ATP2A1: variants seen among roughly 807,000 people sequenced by gnomAD.
ATP2A1 encodes ATPase sarcoplasmic/endoplasmic reticulum Ca2+ transporting 1.
A neutral mutation model predicts 109.5 loss-of-function variants in ATP2A1; 83 were observed. That is an observed-to-expected ratio of 0.76 (90% CI 0.63 to 0.91). The LOEUF (loss-of-function observed/expected upper bound fraction) is 0.91, where lower values mean the gene tolerates loss of function less well. Among genes scored for constraint, ATP2A1 ranks in the 40% least tolerant of loss-of-function variants. The pLI, the probability that ATP2A1 is intolerant of heterozygous loss-of-function variation, is 0.00. For synonymous variants in ATP2A1, 505 were observed against 537.6 expected (o/e 0.94, Z 0.84); for missense variants, 1,101 against 1,341.0 (o/e 0.82, Z 2.80).
At chr16:28,879,971 G>C (rs1016292710) in intron 3 of ATP2A1, 1 of 1,012,788 alleles carries the variant, frequency 9.9e-7, no homozygotes, top group Non-Finnish European at 1.2e-6. Context: ...CAATCCCCGC[G>C]CCCGTCGGCG....
rs745336652 is a variant in ATP2A1 at position 28,903,366 on chromosome 16, T to C, written c.2906T>C (p.Met969Thr). ...GCCCTGGACCTCACCCAGTGGCTCA[T>C]GGTCCTCAAGATCTCACTGCCAGTC... ...LRALDLTQWL[M>T]VLKISLPVIG... Residue 969 changes from methionine to threonine, a missense_variant, in exon 21 of 23, where the codon ATG (methionine) becomes ACG (threonine). Transcript: ENST00000395503. This position sits in a 1 kb window ranked among gnomAD's most constrained non-coding sequence, Gnocchi z 5.6. The C allele has an allele frequency of 7.4e-6, 12 of 1,613,980 alleles. No homozygotes were observed. Among genetic ancestry groups the C allele is most frequent in the Middle Eastern group, 1.6e-4 (1 of 6,062 alleles).
At chr16:28,901,284 G>A (rs1964064830) in intron 15 of ATP2A1, among the ~76,000 whole-genome samples, 1 of 147,062 alleles carries the variant, frequency 6.8e-6, no homozygotes, top group Non-Finnish European at 1.5e-5. Flanking sequence ...AGTTATGACT[G>A]CACCACTGCA....
chr16:28,902,035 A>G lies in ATP2A1; in HGVS notation c.2273A>G (p.Lys758Arg). ...GGCCGCGCCATCTACAACAACATGAAGCAGTTCATCCGCTACCTCATTTCC... is the reference window on the plus strand; with the variant it reads ...GGCCGCGCCATCTACAACAACATGAGGCAGTTCATCCGCTACCTCATTTCC... ...EEGRAIYNNMKQFIRYLISSN... is the reference protein window; with the variant it reads ...EEGRAIYNNMRQFIRYLISSN... The change falls in exon 16 of 23, where the codon AAG becomes AGG. Residue 758 changes from lysine to arginine, a missense_variant. Lys to Arg is a conservative substitution (Grantham distance 26). Transcript: ENST00000395503. The surrounding 1 kb of genome is among the most constrained non-coding windows in gnomAD (Gnocchi z 4.8). 6.2e-7 allele frequency: 1 copy of G among 1,614,236 alleles called. No individual in the cohort carries two copies. The highest frequency in any genetic ancestry group is 8.5e-7 in the Non-Finnish European group (1 of 1,180,042).
intron 15 of ATP2A1, 88 bp downstream of exon 15, chr16:28,901,004 G>T (rs1291968991): frequency 6.5e-7 from 1 of 1,529,034 alleles, no homozygotes. Context: ...GGGCCAGAGG[G>T]CCCTGGTAAG....
Position 28,903,876 on chromosome 16 carries a change from G to C in ATP2A1, c.*37+135G>C. On this transcript the variant is annotated intron_variant, in intron 22 of 22. Coordinates refer to ENST00000395503, the MANE Select transcript of ATP2A1 (RefSeq NM_004320.6). This position sits in a 1 kb window ranked among gnomAD's most constrained non-coding sequence, Gnocchi z 5.6. ...GAGCCGTTGCCACTGCTGCTGCTGC[G>C]CTTCCAGTCAGGGTGGGCCGCTGGC... The C allele has an allele frequency of 1.1e-6, 1 of 929,722 alleles. No individual in the cohort carries two copies. The highest frequency in any genetic ancestry group is 1.6e-5 in the African/African-American group (1 of 62,224). The allele number at this position is 929,722 out of a possible 1,614,324, so 57.6% of individuals were successfully genotyped here.
In ATP2A1 at chr16:28,898,354, G is replaced by A. The variant is rs367801838; in HGVS notation, c.1667G>A (p.Arg556Gln). ...GTGATCAAGGAGTGGGGCACTGGCC[G>A]GGACACCCTGCGCTGCTTGGCCCTG... is the stretch of plus-strand genomic sequence containing the variant. Reference protein sequence around the residue: ...MAVIKEWGTGRDTLRCLALAT... With the variant: ...MAVIKEWGTGQDTLRCLALAT... Residue 556 changes from arginine (R) to glutamine (Q), a missense_variant, in exon 14 of 23, where the codon CGG becomes CAG. Arg to Gln is a conservative substitution (Grantham distance 43). Coordinates refer to ENST00000395503, the MANE Select transcript of ATP2A1 (RefSeq NM_004320.6). This position sits in a 1 kb window ranked among gnomAD's most constrained non-coding sequence, Gnocchi z 4.0. 33 of 1,614,084 alleles carry A rather than the reference G, an allele frequency of 2.0e-5. No individual in the cohort carries two copies. Among genetic ancestry groups the A allele is most frequent in the Middle Eastern group, 1.6e-4 (1 of 6,084 alleles).
In ATP2A1 at chr16:28,881,002, A is replaced by G; in HGVS notation, c.307A>G (p.Ile103Val). Reference protein sequence around the residue: ...VILLILIANAIVGVWQERNAE... With the variant: ...VILLILIANAVVGVWQERNAE... Reference sequence around the variant, plus strand: ...CCTCTTGATCCTCATTGCCAATGCCATCGTGGGGGTTTGGCAGGTTAGCGT... The same window carrying G: ...CCTCTTGATCCTCATTGCCAATGCCGTCGTGGGGGTTTGGCAGGTTAGCGT... The change falls in exon 4 of 23, where the codon ATC (isoleucine) becomes GTC (valine). Residue 103 changes from isoleucine (I) to valine (V), a missense_variant. Ile to Val is a conservative substitution (Grantham distance 29, BLOSUM62 3). Coordinates refer to ENST00000395503, the MANE Select transcript of ATP2A1 (RefSeq NM_004320.6). The G allele has an allele frequency of 6.2e-7, 1 of 1,614,096 alleles. No homozygotes were observed. Among genetic ancestry groups the G allele is most frequent in the Non-Finnish European group, 8.5e-7 (1 of 1,179,956 alleles).
chr16:28,883,939 G>A lies in ATP2A1; in HGVS notation c.464-636G>A, dbSNP rs1963554480. On this transcript the variant is annotated intron_variant, in intron 5 of 22. Transcript: ENST00000395503. The surrounding 1 kb of genome is among the most constrained non-coding windows in gnomAD (Gnocchi z 5.2). ...CCATGACCACCCTGTGCCCCCCGCT[G>A]CCTTGAGTCCTGCCCACTCATACCT... 6.6e-6 allele frequency among the ~76,000 whole-genome samples: 1 copy of A among 152,030 alleles called. No individual in the cohort carries two copies. Among genetic ancestry groups the A allele is most frequent in the Non-Finnish European group, 1.5e-5 (1 of 68,008 alleles).
intron 10 of ATP2A1, 26 bp from the exon 11 acceptor site, chr16:28,894,479 C>A (rs746696483): frequency 1.2e-6 from 2 of 1,605,982 alleles, no homozygotes; most frequent in South Asian, 1.1e-5. Flanking sequence ...TGTCTCTGTC[C>A]CTTCCTCCCC....
At chr16:28,892,667 A>G (rs992930522) in intron 9 of ATP2A1, 1 of 153,190 alleles carries the variant, frequency 6.5e-6, no homozygotes, top group Non-Finnish European at 1.5e-5. Context: ...AGGGTAGGCC[A>G]CTCCTCCTGG....
At chr16:28,882,688 G>A in intron 5 of ATP2A1, 99 bp downstream of exon 5, 1 of 1,537,584 alleles carries the variant, frequency 6.5e-7, no homozygotes, top group African/African-American at 1.4e-5. Flanking sequence ...TGTCCAGGAG[G>A]ATGACGGAGT....
At position 28,904,323 on chromosome 16, in the gene ATP2A1, C is replaced by T; in HGVS notation, c.*181C>T. 2.5e-6 allele frequency: 4 copies of T among 1,590,340 alleles called. No individual in the cohort carries two copies. Among genetic ancestry groups the T allele is most frequent in the Middle Eastern group, 3.3e-4 (2 of 6,036 alleles). On this transcript the variant is annotated 3_prime_UTR_variant, in exon 23 of 23. Coordinates refer to ENST00000395503, the MANE Select transcript of ATP2A1 (RefSeq NM_004320.6). ...TCATGTGTCTGTTTATAAACATGTC[C>T]CCTTCCCTTTCCTTCCCCCTCGGCC... is the stretch of plus-strand genomic sequence containing the variant.
chr16:28,892,434 G>T, intron 9 of ATP2A1: 1 of 278,112 alleles, frequency 3.6e-6, no homozygotes, highest in South Asian at 2.8e-5. Context: ...AGATCAGGGT[G>T]AGAAAGGCTG....
chr16:28,890,292 CAAAAAAAAAAAA>C (rs767608802), intron 9 of ATP2A1, among the ~76,000 whole-genome samples: 2 of 74,388 alleles, frequency 2.7e-5, no homozygotes, highest in Non-Finnish European at 5.6e-5. Context: ...CCGTCTCTAC[CAAAAAAAAAAAA>C]AAAAAAAAAA....
rs1963431992 is a variant in ATP2A1 at position 28,880,403 on chromosome 16, T to A, written c.220-512T>A. Among the ~76,000 whole-genome samples, 1 of 152,226 alleles carries A rather than the reference T, an allele frequency of 6.6e-6. No individual in the cohort carries two copies. The highest frequency in any genetic ancestry group is 2.1e-4 in the South Asian group (1 of 4,836). On this transcript the variant is annotated intron_variant, in intron 3 of 22. Transcript: ENST00000395503. The surrounding 1 kb of genome is among the most constrained non-coding windows in gnomAD (Gnocchi z 4.2). ...CCTTCTCAGATTTGCTCCTTGACATTTGCCTGCTGCCTGGCGGTGGCAACA... is the reference window on the plus strand; with the variant it reads ...CCTTCTCAGATTTGCTCCTTGACATATGCCTGCTGCCTGGCGGTGGCAACA...
chr16:28,879,738 G>A, intron 3 of ATP2A1, 155 bp downstream of exon 3: 1 of 903,492 alleles, frequency 1.1e-6, no homozygotes, highest in Non-Finnish European at 1.7e-6. Context: ...TGTGATTCGC[G>A]TCCTCCTCTC....
chr16:28,902,834 G>A lies in ATP2A1; in HGVS notation c.2667G>A (p.Glu889=). The change falls in exon 19 of 23, where the codon GAG becomes GAA. Residue 889 remains glutamate (E), a synonymous_variant. Transcript: ENST00000395503. The surrounding 1 kb of genome is among the most constrained non-coding windows in gnomAD (Gnocchi z 4.8). ...DNTHFEGIDC[E]VFEAPEPMTM... is the part of the protein sequence containing the mutation. ...CCCACTTTGAGGGCATAGACTGTGA[G>A]GTCTTCGAGGCCCCCGAGCCCATGA... 1.2e-6 allele frequency: 2 copies of A among 1,613,856 alleles called. No homozygotes were observed. The highest frequency in any genetic ancestry group is 1.7e-6 in the Non-Finnish European group (2 of 1,179,912).
At chr16:28,890,620 C>T (rs1015937665) in intron 9 of ATP2A1, among the ~76,000 whole-genome samples, 45 of 152,180 alleles carry the variant, frequency 3.0e-4, no homozygotes, top group African/African-American at 1.1e-3. Context: ...TGAGACCCCA[C>T]CTTTTAAAAG....
chr16:28,888,232 C>T (rs1314706995), intron 8 of ATP2A1, among the ~76,000 whole-genome samples: 1 of 151,956 alleles, frequency 6.6e-6, no homozygotes, highest in African/African-American at 2.4e-5. Flanking sequence ...GGGGTTTCAC[C>T]ATGTTGGCCA....
Sources: allele counts gnomAD v4.1 joint callset (sites outside exome capture counted in the v4.1 genomes callset), GRCh38; gene constraint gnomAD v4.1.1; non-coding constraint Gnocchi (gnomAD v3.1); transcripts MANE v1.5; gene names NCBI Gene and HGNC (gene_info 2026-07-23, HGNC 2026-07-21).